Variants in LRRC4C observed in about 807,000 individuals in gnomAD.
LRRC4C encodes the protein leucine rich repeat containing 4C.
Under a neutral mutation model 33.6 loss-of-function variants are expected in LRRC4C, and 5 were observed. The ratio of observed to expected loss-of-function variants is 0.15; its 90% CI spans 0.08 to 0.31. The LOEUF (loss-of-function observed/expected upper bound fraction) is 0.31, where lower values mean the gene tolerates loss of function less well. Ranked by LOEUF, LRRC4C falls within the 10% of genes least tolerant of loss-of-function variation. LRRC4C has a pLI of 1.00. For synonymous variants in LRRC4C, 329 were observed against 302.0 expected (o/e 1.09, Z -0.93); for missense variants, 560 against 796.7 (o/e 0.70, Z 3.58).
At chr11:40,204,340 T>C (rs1862987748) in intron 5 of LRRC4C, among the ~76,000 whole-genome samples, 1 of 152,174 alleles carries the variant, frequency 6.6e-6, no homozygotes, top group South Asian at 2.1e-4. Context: ...TTCCTTCAGC[T>C]TGCCTAAGCC....
At chr11:41,076,302 A>C (rs1939145463) in intron 1 of LRRC4C, among the ~76,000 whole-genome samples, 1 of 152,324 alleles carries the variant, frequency 6.6e-6, no homozygotes, top group South Asian at 2.1e-4. Flanking sequence ...TGTCCACTTC[A>C]AGTATTGCCA....
chr11:40,392,435 G>A (rs1350420270), intron 3 of LRRC4C, among the ~76,000 whole-genome samples: 1 of 151,880 alleles, frequency 6.6e-6, no homozygotes, highest in Non-Finnish European at 1.5e-5. Flanking sequence ...GGCCATATGA[G>A]GAACTCTTTG....
At chr11:41,406,944 A>G (rs1328181638) in intron 1 of LRRC4C, among the ~76,000 whole-genome samples, 3 of 152,166 alleles carry the variant, frequency 2.0e-5, no homozygotes, top group African/African-American at 7.2e-5. Flanking sequence ...TGGCATGTAA[A>G]AAAAATTGTA....
At chr11:40,328,872 T>A (rs2136919516) in intron 3 of LRRC4C, among the ~76,000 whole-genome samples, 1 of 152,366 alleles carries the variant, frequency 6.6e-6, no homozygotes. Context: ...AACTGGATAA[T>A]AGCAGCATGA....
intron 3 of LRRC4C, among the ~76,000 whole-genome samples, chr11:40,493,971 A>G (rs1489714814): frequency 6.6e-6 from 1 of 152,172 alleles, no homozygotes; most frequent in African/African-American, 2.4e-5. Flanking sequence ...AAAAGAAGTT[A>G]TCAAAAGAAC....
At chr11:40,406,319 C>A (rs1949962936) in intron 3 of LRRC4C, among the ~76,000 whole-genome samples, 1 of 152,104 alleles carries the variant, frequency 6.6e-6, no homozygotes, top group Non-Finnish European at 1.5e-5. Flanking sequence ...CAGGTTTGAG[C>A]TTGTTTTCTT....
intron 1 of LRRC4C, among the ~76,000 whole-genome samples, chr11:41,238,069 T>C (rs1002630916): frequency 3.5e-4 from 53 of 152,176 alleles, no homozygotes; most frequent in African/African-American, 1.2e-3. Context: ...TCCCACTTCC[T>C]ATGAACAAAT....
intron 2 of LRRC4C, among the ~76,000 whole-genome samples, chr11:40,701,785 T>G (rs1945875185): frequency 6.6e-6 from 1 of 151,794 alleles, no homozygotes; most frequent in African/African-American, 2.4e-5. Flanking sequence ...TCACCCTATT[T>G]AATGATTTGT....
intron 5 of LRRC4C, among the ~76,000 whole-genome samples, chr11:40,206,429 A>T (rs1863159547): frequency 6.6e-6 from 1 of 151,428 alleles, no homozygotes; most frequent in Admixed American, 6.6e-5. Flanking sequence ...TTTAGTAGAG[A>T]CAGGGTTTCA....
intron 3 of LRRC4C, among the ~76,000 whole-genome samples, chr11:40,473,267 C>T (rs1042281742): frequency 1.3e-5 from 2 of 152,282 alleles, no homozygotes; most frequent in East Asian, 1.9e-4. Context: ...ATCAAGGCAC[C>T]GTCATCCCTG....
chr11:40,888,536 A>G lies in LRRC4C; in HGVS notation c.-407+45099T>C, dbSNP rs1955562810. On this transcript the variant is annotated intron_variant, in intron 2 of 6. Coordinates refer to ENST00000528697, the MANE Select transcript of LRRC4C (RefSeq NM_001258419.2). ...CTTGGAAGTTGTTCTTTGCTGAAAA[A>G]TGATTCCCACTTATTTGGAAATGTT... Among the ~76,000 whole-genome samples the G allele has an allele frequency of 1.3e-5, 2 of 152,036 alleles. 1 individual carries two copies. Among genetic ancestry groups the G allele is most frequent in the South Asian group, 4.1e-4 (2 of 4,836 alleles).
intron 5 of LRRC4C, among the ~76,000 whole-genome samples, chr11:40,225,441 T>C (rs979370157): frequency 5.3e-5 from 8 of 152,304 alleles, no homozygotes; most frequent in African/African-American, 1.7e-4. Flanking sequence ...TTGCCACTTA[T>C]ATGTGAGGTA....
chr11:40,693,087 A>T (rs528702268), intron 2 of LRRC4C, among the ~76,000 whole-genome samples: 1 of 152,162 alleles, frequency 6.6e-6, no homozygotes, highest in East Asian at 1.9e-4. Context: ...ATTTTTATGC[A>T]ATGTATCGTG....
chr11:41,124,600 T>C (rs1299674250), intron 1 of LRRC4C, among the ~76,000 whole-genome samples: 5 of 152,260 alleles, frequency 3.3e-5, no homozygotes, highest in Non-Finnish European at 7.3e-5. Context: ...TTTAAAAACT[T>C]AATTTTCTAT....
At chr11:41,126,412 C>T (rs773516165) in intron 1 of LRRC4C, among the ~76,000 whole-genome samples, 2 of 151,952 alleles carry the variant, frequency 1.3e-5, no homozygotes, top group Non-Finnish European at 2.9e-5. Context: ...TCCTCATTCA[C>T]ATCTGGACCT....
At chr11:40,512,931 C>A (rs61886213) in intron 3 of LRRC4C, among the ~76,000 whole-genome samples, 1 of 152,066 alleles carries the variant, frequency 6.6e-6, no homozygotes, top group African/African-American at 2.4e-5. Context: ...TCTAGAGTGG[C>A]AGACAAATAT....
At chr11:41,432,802 C>A (rs559479231) in intron 1 of LRRC4C, among the ~76,000 whole-genome samples, 10 of 152,052 alleles carry the variant, frequency 6.6e-5, no homozygotes, top group Non-Finnish European at 1.3e-4. Context: ...GGGCTGGCAT[C>A]ATTTTTCCCC....
intron 2 of LRRC4C, among the ~76,000 whole-genome samples, chr11:40,754,423 G>A (rs983714921): frequency 6.6e-6 from 1 of 152,096 alleles, no homozygotes. Flanking sequence ...TTGCTCCTCA[G>A]GAGTGACCTC....
At chr11:40,185,141 G>A (rs1257998774) in intron 5 of LRRC4C, among the ~76,000 whole-genome samples, 2 of 152,182 alleles carry the variant, frequency 1.3e-5, no homozygotes, top group East Asian at 1.9e-4. Flanking sequence ...ATGTTGAAAT[G>A]GTTAAGCTAA....
Sources: gnomAD v4.1 joint callset for allele counts (sites outside exome capture counted in the v4.1 genomes callset) on GRCh38, gnomAD v4.1.1 for gene constraint, MANE v1.5 for transcripts, NCBI Gene and HGNC (gene_info 2026-07-23, HGNC 2026-07-21) for gene names.